The following SMARCA2 variants were observed in gnomAD, a reference collection of about 807,000 sequenced individuals.
SMARCA2 encodes SWI/SNF-related matrix-associated actin-dependent regulator of chromatin subfamily A member 2.
In SMARCA2, 61 loss-of-function variants were observed where a neutral mutation model predicts 199.8. The ratio of observed to expected loss-of-function variants is 0.31; its 90% confidence interval spans 0.25 to 0.38. The LOEUF is 0.38. Among genes scored for constraint, SMARCA2 ranks in the 10% least tolerant of loss-of-function variants. SMARCA2 has a pLI of 1.00. For synonymous variants in SMARCA2, 935 were observed against 732.0 expected (o/e 1.28, Z -4.48); for missense variants, 1,344 against 2,012.2 (o/e 0.67, Z 6.35).
chr9:2,191,372 G>C lies in SMARCA2; in HGVS notation c.4701G>C (p.Val1567=), dbSNP rs886063795. The C allele has an allele frequency of 1.9e-6, 3 of 1,614,074 alleles. No individual in the cohort carries two copies. The highest frequency in any genetic ancestry group is 2.5e-6 in the Non-Finnish European group (3 of 1,180,040). ...ATCGAGGAAAAGCCAAACCTGTAGT[G>C]AGCGATTTTGACAGCGATGAGGAGC... The part of the protein sequence containing the change: ...RPNRGKAKPV[V]SDFDSDEEQD... Residue 1567 remains valine (V), a synonymous_variant, in exon 33 of 34, where the codon GTG becomes GTC. Coordinates refer to ENST00000349721, the MANE Select transcript of SMARCA2 (RefSeq NM_003070.5).
chr9:2,047,282 G>A lies in SMARCA2; in HGVS notation c.844G>A (p.Ala282Thr), dbSNP rs929861388. 2.8e-4 allele frequency: 278 copies of A among 992,024 alleles called. 2 individuals carry two copies. The African/African-American group carries it at 4.0e-3, about 14-fold the overall frequency. 61.5% of individuals were successfully genotyped at this position (992,024 alleles called of 1,614,324 possible). Residue 282 changes from alanine to threonine, a missense_variant, in exon 5 of 34, where the codon GCG becomes ACG. This residue lies in a region of SMARCA2 where 117 missense variants were observed against 99.1 expected (regional missense o/e 1.18). Transcript: ENST00000349721. ...PSTPQKLPVPAPGGRPSPAPP... is the reference protein window; with the variant it reads ...PSTPQKLPVPTPGGRPSPAPP... ...CACCCCGCAGAAGCTGCCGGTGCCC[G>A]CGCCCGGCGGCCGGCCCTCGCCCGC...
chr9:2,152,621 G>A (rs1173388809), intron 27 of SMARCA2, among the ~76,000 whole-genome samples: 1 of 151,942 alleles, frequency 6.6e-6, no homozygotes, highest in Non-Finnish European at 1.5e-5. Flanking sequence ...GGAGGCTGAG[G>A]TGGGCGGATC....
rs926123016 is a variant in SMARCA2 at position 2,191,640 on chromosome 9, A to G, written c.4737+232A>G. 1.0e-5 allele frequency: 4 copies of G among 387,064 alleles called. No homozygotes were observed. In the Admixed American group the frequency reaches 1.7e-4, roughly 16 times the overall value. 24.0% of individuals were successfully genotyped at this position (387,064 alleles called of 1,614,324 possible). A position where few individuals can be genotyped will look rare whatever the true frequency, so the allele number is the denominator to read the frequency against. Reference sequence around the variant, plus strand: ...TAGTCTTCAAAAATGAAAAACTACCAAATCAAGCTTCCCTTTCCCCCTTTT... The same window carrying G: ...TAGTCTTCAAAAATGAAAAACTACCGAATCAAGCTTCCCTTTCCCCCTTTT... On this transcript the variant is annotated intron_variant, in intron 33 of 33. Coordinates refer to ENST00000349721, the MANE Select transcript of SMARCA2 (RefSeq NM_003070.5).
At chr9:2,172,235 A>G (rs10965086) in intron 29 of SMARCA2, among the ~76,000 whole-genome samples, 16,081 of 121,062 alleles carry the variant, frequency 0.13, 915 homozygotes, top group Non-Finnish European at 0.15. Flanking sequence ...AGTACTGAAA[A>G]TGGAAAAAAA....
chr9:2,074,334 A>G (rs1821225442), intron 12 of SMARCA2, among the ~76,000 whole-genome samples: 1 of 152,214 alleles, frequency 6.6e-6, no homozygotes, highest in Non-Finnish European at 1.5e-5. Flanking sequence ...GCTCTCCTTT[A>G]TTAGAGCATT....
intron 21 of SMARCA2, among the ~76,000 whole-genome samples, chr9:2,101,010 G>T (rs897809045): frequency 2.0e-5 from 3 of 152,030 alleles, no homozygotes; most frequent in Non-Finnish European, 2.9e-5. Context: ...ACGAGATCTC[G>T]TGAGACTTAT....
chr9:2,153,079 G>C (rs918724737), intron 27 of SMARCA2, among the ~76,000 whole-genome samples: 1 of 151,980 alleles, frequency 6.6e-6, no homozygotes, highest in African/African-American at 2.4e-5. Flanking sequence ...AAAAAACAAA[G>C]TCACAGTAAA....
intron 27 of SMARCA2, among the ~76,000 whole-genome samples, chr9:2,141,429 G>C (rs562817754): frequency 6.6e-6 from 1 of 152,264 alleles, no homozygotes; most frequent in East Asian, 1.9e-4. Flanking sequence ...TTCATATATT[G>C]AAGATGCACA....
At chr9:2,109,311 A>G (rs1486717933) in intron 23 of SMARCA2, among the ~76,000 whole-genome samples, 1 of 152,168 alleles carries the variant, frequency 6.6e-6, no homozygotes, top group African/African-American at 2.4e-5. Context: ...CTGGTGAAAT[A>G]TGTTCAGATG....
chr9:2,185,033 C>T (rs7874840), intron 31 of SMARCA2, among the ~76,000 whole-genome samples: 110,491 of 152,134 alleles, frequency 0.73, 40,354 homozygotes, highest in East Asian at 0.86. Context: ...TTTTAAAACA[C>T]TGTGATTAAG....
In SMARCA2 at chr9:2,056,736, A is replaced by G; in HGVS notation, c.1238A>G (p.Lys413Arg). The change falls in exon 7 of 34, where the codon AAA becomes AGA. Residue 413 changes from lysine (K) to arginine (R), a missense_variant. Lys to Arg is a conservative substitution (Grantham distance 26). Coordinates refer to ENST00000349721, the MANE Select transcript of SMARCA2 (RefSeq NM_003070.5). The surrounding 1 kb of genome is among the most constrained non-coding windows in gnomAD (Gnocchi z 4.0). The stretch of plus-strand genomic sequence containing the variant: ...ACCCTGGAGACGGCTCTCAACTCCA[A>G]AGCATACAAACGGAGCAAGCGCCAG... The part of the protein sequence containing the change: ...DTTLETALNS[K>R]AYKRSKRQTL... The G allele has an allele frequency of 6.2e-7, 1 of 1,614,210 alleles. No individual in the cohort carries two copies. Among genetic ancestry groups the G allele is most frequent in the Non-Finnish European group, 8.5e-7 (1 of 1,180,022 alleles).
chr9:2,083,531 A>G (rs1232942093), intron 16 of SMARCA2, 118 bp downstream of exon 16: 1 of 623,124 alleles, frequency 1.6e-6, no homozygotes, highest in Non-Finnish European at 2.8e-6. Flanking sequence ...CATGTACATC[A>G]TGTACTAAAC....
chr9:2,062,078 G>T (rs1428230580), intron 9 of SMARCA2, among the ~76,000 whole-genome samples: 2 of 152,178 alleles, frequency 1.3e-5, no homozygotes, highest in Admixed American at 1.3e-4. Flanking sequence ...TGTTTTCAGA[G>T]TTAGTGAGGA....
chr9:2,114,070 A>G (rs1823119902), intron 24 of SMARCA2, among the ~76,000 whole-genome samples: 1 of 152,312 alleles, frequency 6.6e-6, no homozygotes, highest in African/African-American at 2.4e-5. Context: ...GAGATAGTGA[A>G]AAGCCTCATG....
chr9:2,111,109 G>C (rs1050735463), intron 24 of SMARCA2, among the ~76,000 whole-genome samples: 1 of 151,552 alleles, frequency 6.6e-6, no homozygotes, highest in East Asian at 1.9e-4. Flanking sequence ...ACTCTGGGAG[G>C]TGAGGCATCT....
chr9:2,049,096 C>T (rs1404233315), intron 5 of SMARCA2, among the ~76,000 whole-genome samples: 1 of 152,038 alleles, frequency 6.6e-6, no homozygotes, highest in Non-Finnish European at 1.5e-5. Context: ...ATTTGAATTA[C>T]CAGTACCTTT....
At chr9:2,167,686 T>A (rs993385140) in intron 28 of SMARCA2, among the ~76,000 whole-genome samples, 1 of 152,258 alleles carries the variant, frequency 6.6e-6, no homozygotes, top group Non-Finnish European at 1.5e-5. Flanking sequence ...CTGGGAATTG[T>A]GGTAAGACTC....
intron 14 of SMARCA2, among the ~76,000 whole-genome samples, chr9:2,081,559 C>T (rs373271417): frequency 1.3e-5 from 2 of 152,160 alleles, no homozygotes; most frequent in Non-Finnish European, 2.9e-5. Flanking sequence ...TCTAGAATGT[C>T]ACATACTGTG....
chr9:2,160,632 T>C (rs1331804891), intron 27 of SMARCA2: 3 of 701,712 alleles, frequency 4.3e-6, no homozygotes, highest in South Asian at 1.5e-5. Flanking sequence ...AATTGCCTTA[T>C]GATTAGAGCT....
Sources: gnomAD v4.1 joint callset for allele counts (sites outside exome capture counted in the v4.1 genomes callset) on GRCh38, gnomAD v4.1.1 for gene constraint, gnomAD v4.1.1 regional missense constraint, Gnocchi (gnomAD v3.1) non-coding constraint, MANE v1.5 for transcripts, NCBI Gene and HGNC (gene_info 2026-07-23, HGNC 2026-07-21) for gene names.